Variants in CD1B observed in about 807,000 individuals in gnomAD.
The protein encoded by CD1B is T-cell surface glycoprotein CD1b.
Under a neutral mutation model 39.8 loss-of-function variants are expected in CD1B, and 43 were observed. That is an observed-to-expected ratio of 1.08 (90% CI 0.85 to 1.39). CD1B has a LOEUF of 1.39. CD1B is among the 40% of genes most tolerant of loss of function. CD1B has a pLI of 0.00. For missense variants in CD1B, 495 were observed against 403.8 expected (o/e 1.23, Z -1.94); for synonymous variants, 192 against 152.5 (o/e 1.26, Z -1.91).
chr1:158,316,015 A>G, the CD1B span, among the ~76,000 whole-genome samples: 16,829 of 151,848 alleles, frequency 0.11, 1,318 homozygotes, highest in East Asian at 0.39. Context: ...CCATTGATCT[A>G]TATCTCTGTT....
chr1:158,287,795 C>T, the CD1B span, among the ~76,000 whole-genome samples: 3 of 152,204 alleles, frequency 2.0e-5, no homozygotes, highest in East Asian at 5.8e-4. Context: ...AGGCTTAACA[C>T]AATGAAGTTT....
chr1:158,328,793 T>C, intron 5 of CD1B, 128 bp downstream of exon 5: 2 of 648,164 alleles, frequency 3.1e-6, no homozygotes. Context: ...CGAATGGGAG[T>C]TTGGGGAAAG....
the CD1B span, among the ~76,000 whole-genome samples, chr1:158,305,245 A>G: frequency 6.6e-6 from 1 of 152,180 alleles, no homozygotes; most frequent in Non-Finnish European, 1.5e-5. Context: ...TCTTTAAAGG[A>G]CCGGATGGAG....
the CD1B span, among the ~76,000 whole-genome samples, chr1:158,308,923 A>G: frequency 6.6e-6 from 1 of 152,212 alleles, no homozygotes; most frequent in Non-Finnish European, 1.5e-5. Context: ...AGGCATGGGC[A>G]AGGACTTCAT....
At chr1:158,309,159 A>C in the CD1B span, among the ~76,000 whole-genome samples, 1 of 152,190 alleles carries the variant, frequency 6.6e-6, no homozygotes, top group Non-Finnish European at 1.5e-5. Flanking sequence ...ACCCCATCAA[A>C]AAGTGGGCAA....
the CD1B span, among the ~76,000 whole-genome samples, chr1:158,289,400 T>G: frequency 6.6e-6 from 1 of 152,224 alleles, no homozygotes; most frequent in African/African-American, 2.4e-5. Context: ...TGGCTGCAAT[T>G]TAATCTCTAA....
the CD1B span, among the ~76,000 whole-genome samples, chr1:158,310,014 A>C: frequency 6.6e-6 from 1 of 151,946 alleles, no homozygotes; most frequent in African/African-American, 2.4e-5. Flanking sequence ...CACCCAAAGC[A>C]ATCTTAAGCA....
the CD1B span, among the ~76,000 whole-genome samples, chr1:158,301,007 C>A: frequency 6.6e-6 from 1 of 151,988 alleles, no homozygotes; most frequent in Non-Finnish European, 1.5e-5. Context: ...ATCTGCCCAC[C>A]TCAGCCTCCC....
At chr1:158,289,340 A>C in the CD1B span, among the ~76,000 whole-genome samples, 1 of 152,230 alleles carries the variant, frequency 6.6e-6, no homozygotes, top group African/African-American at 2.4e-5. Context: ...TACAGATTAA[A>C]TGCAGTAGAA....
chr1:158,312,387 G>A, the CD1B span, among the ~76,000 whole-genome samples: 1 of 152,080 alleles, frequency 6.6e-6, no homozygotes, highest in African/African-American at 2.4e-5. Flanking sequence ...ATGACTGTGA[G>A]GCCACCCCAG....
chr1:158,301,305 TAA>T, the CD1B span, among the ~76,000 whole-genome samples: 2 of 152,330 alleles, frequency 1.3e-5, no homozygotes, highest in South Asian at 2.1e-4. Flanking sequence ...AGGTTAATAT[TAA>T]GTGTGAATTT....
the CD1B span, among the ~76,000 whole-genome samples, chr1:158,317,611 C>T: frequency 1.3e-5 from 2 of 152,066 alleles, no homozygotes; most frequent in African/African-American, 4.8e-5. Context: ...TTTCAAAAAA[C>T]CAGCTCCTGG....
chr1:158,294,488 G>C, the CD1B span, among the ~76,000 whole-genome samples: 168 of 152,168 alleles, frequency 1.1e-3, 1 homozygote, highest in African/African-American at 3.9e-3. Flanking sequence ...TTGTTTTCAT[G>C]TTTTTATTTA....
the CD1B span, among the ~76,000 whole-genome samples, chr1:158,295,892 A>G: frequency 6.6e-6 from 1 of 151,782 alleles, no homozygotes; most frequent in Non-Finnish European, 1.5e-5. Flanking sequence ...CTTTGCTGGC[A>G]TACATACACA....
At chr1:158,306,323 G>C in the CD1B span, among the ~76,000 whole-genome samples, 2 of 152,144 alleles carry the variant, frequency 1.3e-5, no homozygotes, top group African/African-American at 4.8e-5. Context: ...AAGATCAAAA[G>C]AGACAAAGAA....
chr1:158,291,073 A>C, the CD1B span: 5 of 1,526,760 alleles, frequency 3.3e-6, no homozygotes, highest in Non-Finnish European at 3.5e-6. Flanking sequence ...TTTTCTCTCC[A>C]TTTTCCTTGC....
the CD1B span, among the ~76,000 whole-genome samples, chr1:158,290,570 T>G: frequency 9.0e-4 from 137 of 152,168 alleles, 1 homozygote; most frequent in Non-Finnish European, 1.7e-3. Flanking sequence ...TAACTTTAGT[T>G]CAGAGCAGAT....
Position 158,329,717 on chromosome 1 carries a change from C to A in CD1B, c.608-69G>T, listed in dbSNP as rs995237231. ...GTTCAGAGGTTATGAACTCAGAAAC[C>A]TACAAGCTTGGACAGCGACCCCATT... is the stretch of plus-strand genomic sequence containing the variant. On this transcript the variant is annotated intron_variant, in intron 3 of 5. Coordinates refer to ENST00000368168, the MANE Select transcript of CD1B (RefSeq NM_001764.3). The A allele has an allele frequency of 2.2e-5, 35 of 1,580,516 alleles. No homozygotes were observed. The African/African-American group carries it at 2.3e-4, about 10-fold the overall frequency.
the CD1B span, among the ~76,000 whole-genome samples, chr1:158,288,974 A>G: frequency 6.6e-6 from 1 of 152,196 alleles, no homozygotes; most frequent in Non-Finnish European, 1.5e-5. Context: ...CCCATGTATG[A>G]GTCCTCTTGA....
Sources: gnomAD v4.1 joint callset for allele counts (sites outside exome capture counted in the v4.1 genomes callset) on GRCh38, gnomAD v4.1.1 for gene constraint, MANE v1.5 for transcripts, NCBI Gene and HGNC (gene_info 2026-07-23, HGNC 2026-07-21) for gene names.